Variants in RNF150 observed in about 807,000 individuals in gnomAD.
The protein encoded by RNF150 is ring finger protein 150.
RNF150 carries 24 observed loss-of-function variants against 39.3 expected under a neutral mutation model. That is an observed-to-expected ratio of 0.61 (90% CI 0.44 to 0.86). The LOEUF (loss-of-function observed/expected upper bound fraction) is 0.86, where lower values mean the gene tolerates loss of function less well. Among genes scored for constraint, RNF150 ranks in the 40% least tolerant of loss-of-function variants. RNF150 has a pLI of 0.00. For synonymous variants in RNF150, 255 were observed against 227.3 expected (o/e 1.12, Z -1.10); for missense variants, 502 against 587.8 (o/e 0.85, Z 1.51).
chr4:140,909,144 G>T (rs565567712), intron 6 of RNF150, among the ~76,000 whole-genome samples: 29 of 152,220 alleles, frequency 1.9e-4, no homozygotes, highest in Non-Finnish European at 3.7e-4. Flanking sequence ...CTTACTATTT[G>T]ACCTGAGTCA....
chr4:140,888,593 A>C (rs926787547), intron 6 of RNF150, among the ~76,000 whole-genome samples: 3 of 152,210 alleles, frequency 2.0e-5, no homozygotes, highest in African/African-American at 7.2e-5. Context: ...AAATGAGGTA[A>C]GCTGCTCAAC....
chr4:141,160,653 C>T (rs1301639081), intron 1 of RNF150, among the ~76,000 whole-genome samples: 1 of 152,168 alleles, frequency 6.6e-6, no homozygotes, highest in East Asian at 1.9e-4. Context: ...AATGGTTTAG[C>T]ACCGTCCCCT....
At chr4:141,101,152 T>C (rs1738995427) in intron 1 of RNF150, among the ~76,000 whole-genome samples, 2 of 152,240 alleles carry the variant, frequency 1.3e-5, no homozygotes, top group African/African-American at 4.8e-5. Flanking sequence ...CAATAATAAA[T>C]TAACCTTAGC....
intron 4 of RNF150, among the ~76,000 whole-genome samples, chr4:140,930,096 G>C (rs543455867): frequency 8.4e-4 from 128 of 151,728 alleles, no homozygotes; most frequent in Middle Eastern, 3.4e-3. Context: ...GGGAGGTGGA[G>C]GTTGCAGTGA....
chr4:140,952,307 C>G (rs555106105), intron 2 of RNF150, among the ~76,000 whole-genome samples: 95 of 152,228 alleles, frequency 6.2e-4, no homozygotes, highest in Middle Eastern at 3.4e-3. Flanking sequence ...CCACAGCGCC[C>G]GACCAGGGAG....
At chr4:141,078,267 C>G (rs1391546267) in intron 1 of RNF150, among the ~76,000 whole-genome samples, 1 of 152,116 alleles carries the variant, frequency 6.6e-6, no homozygotes, top group African/African-American at 2.4e-5. Flanking sequence ...CCAACAGGGA[C>G]TTCAATGAAT....
intron 1 of RNF150, among the ~76,000 whole-genome samples, chr4:141,100,417 C>CCTTGG (rs1738964312): frequency 6.6e-6 from 1 of 152,188 alleles, no homozygotes; most frequent in Non-Finnish European, 1.5e-5. Context: ...CTACCACATC[C>CCTTGG]AAGTGACAGT....
intron 1 of RNF150, among the ~76,000 whole-genome samples, chr4:140,998,867 T>C (rs907298136): frequency 1.3e-5 from 2 of 152,144 alleles, no homozygotes; most frequent in African/African-American, 4.8e-5. Context: ...GCAAAATATG[T>C]CACTACCAAG....
intron 1 of RNF150, among the ~76,000 whole-genome samples, chr4:141,159,701 C>A (rs1727478237): frequency 6.6e-6 from 1 of 152,060 alleles, no homozygotes; most frequent in Non-Finnish European, 1.5e-5. Context: ...TGTGACCACA[C>A]CTGGCTAATT....
chr4:140,926,224 C>G (rs1051010600), intron 4 of RNF150, 151 bp from the exon 5 acceptor site: 21 of 619,702 alleles, frequency 3.4e-5, no homozygotes, highest in Middle Eastern at 4.3e-4. Context: ...CAAAGTGTTT[C>G]CTGTTATAAC....
chr4:141,208,990 A>C (rs1728419400), intron 1 of RNF150, among the ~76,000 whole-genome samples: 1 of 152,166 alleles, frequency 6.6e-6, no homozygotes, highest in Non-Finnish European at 1.5e-5. Flanking sequence ...AGGAAGAGTA[A>C]GTTTGAATAA....
chr4:140,886,059 C>T (rs1234671590), intron 6 of RNF150, among the ~76,000 whole-genome samples: 2 of 151,866 alleles, frequency 1.3e-5, no homozygotes, highest in Non-Finnish European at 2.9e-5. Context: ...GGCGTGGTGG[C>T]AGGCGCCTGT....
rs1057393966 is a variant in RNF150 at position 140,868,139 on chromosome 4, C to T, written c.*122G>A. ...ATTGCTTTTCGTCAGCATTCTTGAA[C>T]GGAGCGCCCTGGAGTTGCCAAGGTG... On this transcript the variant is annotated 3_prime_UTR_variant, in exon 7 of 7. Transcript: ENST00000515673. 2.9e-5 allele frequency: 19 copies of T among 661,494 alleles called. No individual in the cohort carries two copies. The highest frequency in any genetic ancestry group is 2.6e-4 in the Middle Eastern group (1 of 3,912). 41.0% of individuals were successfully genotyped at this position (661,494 alleles called of 1,614,324 possible). A position where few individuals can be genotyped will look rare whatever the true frequency, so the allele number is the denominator to read the frequency against.
chr4:141,132,923 G>C lies in RNF150; in HGVS notation c.-115C>G, dbSNP rs1214409872. On this transcript the variant is annotated 5_prime_UTR_variant, in exon 1 of 7. Coordinates refer to ENST00000515673, the MANE Select transcript of RNF150 (RefSeq NM_020724.2). This position sits in a 1 kb window ranked among gnomAD's most constrained non-coding sequence, Gnocchi z 4.9. Reference sequence around the variant, plus strand: ...TCTCCTCCTGCTGCTGCTCACTCCCGGGCCGGAGGGGCCGCGGCCGGGACG... The same window carrying C: ...TCTCCTCCTGCTGCTGCTCACTCCCCGGCCGGAGGGGCCGCGGCCGGGACG... 7.5e-6 allele frequency: 6 copies of C among 796,750 alleles called. No individual in the cohort carries two copies. The highest frequency in any genetic ancestry group is 1.1e-5 in the Non-Finnish European group (6 of 526,944). 49.4% of individuals were successfully genotyped at this position (796,750 alleles called of 1,614,324 possible).
chr4:140,959,497 G>T (rs566228501), intron 2 of RNF150, among the ~76,000 whole-genome samples: 9 of 152,128 alleles, frequency 5.9e-5, no homozygotes, highest in Non-Finnish European at 1.3e-4. Flanking sequence ...TCTGTGCAGA[G>T]AGAGCTTGAA....
intron 6 of RNF150, 177 bp downstream of exon 6, chr4:140,910,967 C>G: frequency 1.6e-6 from 1 of 617,646 alleles, no homozygotes. Context: ...GGTGGGCTGT[C>G]TGCCCTGCTG....
intron 1 of RNF150, among the ~76,000 whole-genome samples, chr4:140,997,830 TAA>T (rs1289623398): frequency 4.7e-5 from 7 of 148,176 alleles, no homozygotes; most frequent in South Asian, 4.3e-4. Flanking sequence ...AAAAAGAAAA[TAA>T]AAGAGTCCAT....
intron 1 of RNF150, among the ~76,000 whole-genome samples, chr4:141,153,038 A>C (rs895319602): frequency 6.6e-6 from 1 of 152,174 alleles, no homozygotes; most frequent in Admixed American, 6.5e-5. Context: ...CATTCGCAAC[A>C]TCTTAATTAT....
intron 1 of RNF150, among the ~76,000 whole-genome samples, chr4:141,171,834 CT>C (rs1727731045): frequency 6.6e-6 from 1 of 152,122 alleles, no homozygotes; most frequent in Non-Finnish European, 1.5e-5. Context: ...CAATGATTTT[CT>C]TCAGATTTCA....
Sources: allele counts gnomAD v4.1 joint callset (sites outside exome capture counted in the v4.1 genomes callset), GRCh38; gene constraint gnomAD v4.1.1; non-coding constraint Gnocchi (gnomAD v3.1); transcripts MANE v1.5; gene names NCBI Gene and HGNC (gene_info 2026-07-23, HGNC 2026-07-21).